PWWP3B: variants seen among roughly 807,000 people sequenced by gnomAD.
The protein encoded by PWWP3B is PWWP domain-containing DNA repair factor 3B.
Under a neutral mutation model 15.7 loss-of-function variants are expected in PWWP3B, and 5 were observed. The ratio of observed to expected loss-of-function variants is 0.32; its 90% CI spans 0.17 to 0.67. The LOEUF (loss-of-function observed/expected upper bound fraction) is 0.67. PWWP3B is among the 30% of genes least tolerant of loss of function. The pLI, the probability that PWWP3B is intolerant of heterozygous loss-of-function variation, is 0.74. For synonymous variants in PWWP3B, 203 were observed against 179.8 expected (o/e 1.13, Z -1.03); for missense variants, 519 against 493.1 (o/e 1.05, Z -0.50).
At chrX:106,199,920 A>G (rs1227407217) in intron 2 of PWWP3B, among the ~76,000 whole-genome samples, 1 of 111,882 alleles carries the variant, frequency 8.9e-6, no homozygotes, top group Non-Finnish European at 1.9e-5. Context: ...AACCAGTAAC[A>G]GAAGTCTATA....
intron 2 of PWWP3B, among the ~76,000 whole-genome samples, chrX:106,202,866 A>G (rs1447145304): frequency 8.9e-6 from 1 of 112,321 alleles, no homozygotes; most frequent in Non-Finnish European, 1.9e-5. Flanking sequence ...GTTACTACAT[A>G]CAAATCAGGA....
Position 106,206,289 on chromosome X carries a change from C to G in PWWP3B, c.857C>G (p.Pro286Arg). 8.3e-7 allele frequency: 1 copy of G among 1,205,913 alleles called. No homozygotes were observed. The highest frequency in any genetic ancestry group is 1.8e-5 in the South Asian group (1 of 56,001). Residue 286 changes from proline (P) to arginine (R), a missense_variant, in exon 4 of 4, where the codon CCC (proline) becomes CGC (arginine). Transcript: ENST00000357175. Reference sequence around the variant, plus strand: ...AATATTGAGGATCCTGGAGAGGGTCCCTCAAATCCATGCTTAGATACCAGC... The same window carrying G: ...AATATTGAGGATCCTGGAGAGGGTCGCTCAAATCCATGCTTAGATACCAGC... ...SENIEDPGEG[P>R]SNPCLDTSQN...
At chrX:106,171,947 T>C (rs1021165566) in intron 2 of PWWP3B, among the ~76,000 whole-genome samples, 1 of 111,368 alleles carries the variant, frequency 9.0e-6, no homozygotes, top group African/African-American at 3.3e-5. Context: ...TTTTTTTTTC[T>C]AAGTTGAAGG....
chrX:106,172,261 A>T (rs757096517), intron 2 of PWWP3B, among the ~76,000 whole-genome samples: 26 of 110,271 alleles, frequency 2.4e-4, no homozygotes, highest in East Asian at 2.3e-3. Context: ...TATAAAAAAA[A>T]ATATTTTTTT....
Position 106,202,789 on chromosome X carries a change from T to C in PWWP3B, c.-400-1196T>C, listed in dbSNP as rs183433446. 3.4e-3 allele frequency among the ~76,000 whole-genome samples: 384 copies of C among 112,010 alleles called. 3 individuals carry two copies. Among genetic ancestry groups the C allele is most frequent in the African/African-American group, 0.012 (367 of 30,886 alleles). ...GAGAAACAGTATAAGGTGAAAAAAA[T>C]TATATAATAGAACATACTATATGTT... On this transcript the variant is annotated intron_variant, in intron 2 of 3. Transcript: ENST00000357175.
At chrX:106,181,827 A>C (rs1412874847) in intron 2 of PWWP3B, among the ~76,000 whole-genome samples, 10 of 111,996 alleles carry the variant, frequency 8.9e-5, no homozygotes, top group Admixed American at 8.5e-4. Context: ...TTGTAAGACC[A>C]TCTGTAGCTT....
chrX:106,188,434 G>A, intron 2 of PWWP3B, among the ~76,000 whole-genome samples: 1 of 111,106 alleles, frequency 9.0e-6, no homozygotes, highest in Admixed American at 9.5e-5. Context: ...CTATATGTAT[G>A]TATCCGGATT....
At chrX:106,169,464 C>T (rs1165267583) in intron 1 of PWWP3B, among the ~76,000 whole-genome samples, 1 of 111,393 alleles carries the variant, frequency 9.0e-6, no homozygotes, top group East Asian at 2.8e-4. Context: ...GATAATGGAG[C>T]TGAAAAGGGA....
At chrX:106,178,642 A>G (rs1164791944) in intron 2 of PWWP3B, among the ~76,000 whole-genome samples, 1 of 112,019 alleles carries the variant, frequency 8.9e-6, no homozygotes, top group Non-Finnish European at 1.9e-5. Context: ...GGAAAATTGC[A>G]TTTGAAGTGA....
At chrX:106,177,238 G>A (rs915003377) in intron 2 of PWWP3B, 2 of 112,758 alleles carry the variant, frequency 1.8e-5, no homozygotes, top group African/African-American at 6.4e-5. Context: ...AGGTCCCCTT[G>A]CTATTCCCAT....
chrX:106,192,913 G>A (rs1302018215), intron 2 of PWWP3B, among the ~76,000 whole-genome samples: 1 of 111,469 alleles, frequency 9.0e-6, no homozygotes, highest in Non-Finnish European at 1.9e-5. Flanking sequence ...GAGACAGTTT[G>A]TTATAATTTC....
chrX:106,189,538 G>C (rs1240104827), intron 2 of PWWP3B, among the ~76,000 whole-genome samples: 1 of 109,559 alleles, frequency 9.1e-6, no homozygotes, highest in Non-Finnish European at 1.9e-5. Flanking sequence ...TTTCATCCAT[G>C]TCCCTACAAA....
rs1924133116 is a variant in PWWP3B, at chrX:106,207,807, T to A, written c.*284T>A. Reference sequence around the variant, plus strand: ...TGATTTTGAAGGGAAAGTACTATTTTGTTTTATGACACTTTTGAGTCTATG... The same window carrying A: ...TGATTTTGAAGGGAAAGTACTATTTAGTTTTATGACACTTTTGAGTCTATG... On this transcript the variant is annotated 3_prime_UTR_variant, in exon 4 of 4. Transcript: ENST00000357175. 1 of 239,696 alleles carries A rather than the reference T, an allele frequency of 4.2e-6. No individual in the cohort carries two copies. Among genetic ancestry groups the A allele is most frequent in the Admixed American group, 6.2e-5 (1 of 16,198 alleles). The allele number at this position is 239,696 out of a possible 1,213,427, so 19.8% of individuals were successfully genotyped here.
In PWWP3B at chrX:106,205,340, G is replaced by C. The variant is rs924658283; in HGVS notation, c.-93G>C. On this transcript the variant is annotated 5_prime_UTR_variant, in exon 4 of 4. Transcript: ENST00000357175. ...CATAAGACGAAAGAGGATTTGTTAA[G>C]AGTATTGTTTTGGGTAGAACTTGCA... The C allele has an allele frequency of 3.6e-6, 3 of 836,765 alleles. No individual in the cohort carries two copies. Among genetic ancestry groups the C allele is most frequent in the Non-Finnish European group, 4.9e-6 (3 of 609,241 alleles). 69.0% of individuals were successfully genotyped at this position (836,765 alleles called of 1,213,427 possible). A position where few individuals can be genotyped will look rare whatever the true frequency, so the allele number is the denominator to read the frequency against.
At chrX:106,192,803 A>G (rs1489016320) in intron 2 of PWWP3B, among the ~76,000 whole-genome samples, 2 of 108,930 alleles carry the variant, frequency 1.8e-5, no homozygotes, top group Non-Finnish European at 3.8e-5. Flanking sequence ...TTATGTACCC[A>G]GTAGTCATTC....
chrX:106,185,462 A>C, intron 2 of PWWP3B, among the ~76,000 whole-genome samples: 1 of 111,451 alleles, frequency 9.0e-6, no homozygotes, highest in Middle Eastern at 4.6e-3. Context: ...CAGTCCCTGG[A>C]ACTTGCTGAT....
chrX:106,194,790 G>T (rs7891543), intron 2 of PWWP3B, among the ~76,000 whole-genome samples: 1,794 of 112,064 alleles, frequency 0.016, 32 homozygotes, highest in African/African-American at 0.055. Context: ...GTCTGTTGGA[G>T]TTTGCTAGAG....
chrX:106,175,879 A>T (rs1921874492), intron 2 of PWWP3B, among the ~76,000 whole-genome samples: 1 of 111,366 alleles, frequency 9.0e-6, no homozygotes, highest in African/African-American at 3.3e-5. Context: ...TCTTTTATGT[A>T]TTAGTTTTAA....
At chrX:106,179,180 C>T in intron 2 of PWWP3B, among the ~76,000 whole-genome samples, 1 of 111,771 alleles carries the variant, frequency 8.9e-6, no homozygotes, top group Non-Finnish European at 1.9e-5. Flanking sequence ...ATTCAAATTC[C>T]ACTCAAAAAA....
Sources: allele counts gnomAD v4.1 joint callset (sites outside exome capture counted in the v4.1 genomes callset), GRCh38; gene constraint gnomAD v4.1.1; transcripts MANE v1.5; gene names NCBI Gene and HGNC (gene_info 2026-07-23, HGNC 2026-07-21).